ZNF772: variants seen among roughly 807,000 people sequenced by gnomAD.
ZNF772 encodes zinc finger protein 772.
ZNF772 carries 8 observed loss-of-function variants against 11.0 expected under a neutral mutation model. The ratio of observed to expected loss-of-function variants is 0.73; its 90% CI spans 0.43 to 1.31. ZNF772 has a LOEUF of 1.31. Ranked by LOEUF, ZNF772 falls within the 50% of genes most tolerant of loss-of-function variation. ZNF772 has a pLI of 0.01. For synonymous variants in ZNF772, 155 were observed against 180.4 expected (o/e 0.86, Z 1.13); for missense variants, 496 against 552.3 (o/e 0.90, Z 1.02).
At position 57,475,490 on chromosome 19, in the gene ZNF772, AG is replaced by A; in HGVS notation, c.199+169del. On this transcript the variant is annotated intron_variant, in intron 3 of 3. Coordinates refer to ENST00000356584, the MANE Select transcript of ZNF772 (RefSeq NM_001144068.2). The surrounding 1 kb of genome is among the most constrained non-coding windows in gnomAD (Gnocchi z 4.2). ...GCAAGCGCTGGGAATGCTCAAAAGG[AG>A]AAAGTAGGAGTGCAAACAGCCCAAG... The A allele has an allele frequency of 9.3e-7, 1 of 1,070,092 alleles. No individual in the cohort carries two copies. The highest frequency in any genetic ancestry group is 1.6e-5 in the African/African-American group (1 of 64,186). 66.3% of individuals were successfully genotyped at this position (1,070,092 alleles called of 1,614,324 possible). A position where few individuals can be genotyped will look rare whatever the true frequency, so the allele number is the denominator to read the frequency against.
chr19:57,474,339 C>T lies in ZNF772; in HGVS notation c.282G>A (p.Lys94=). The change falls in exon 4 of 4, where the codon AAG becomes AAA. Residue 94 remains lysine, a synonymous_variant. Transcript: ENST00000356584. ...SIGMSQIRIP[K]GGPSTQKAYP... ...AAGCCTTCTGAGTAGAAGGACCTCC[C>T]TTGGGAATCCTGATCTGTGACATTC... 6.2e-7 allele frequency: 1 copy of T among 1,613,786 alleles called. No homozygotes were observed. The highest frequency in any genetic ancestry group is 8.5e-7 in the Non-Finnish European group (1 of 1,180,030).
Position 57,475,806 on chromosome 19 carries a change from CAA to C in ZNF772, c.73-22_73-21del. The C allele has an allele frequency of 6.3e-7, 1 of 1,583,864 alleles. No homozygotes were observed. Among genetic ancestry groups the C allele is most frequent in the East Asian group, 2.2e-5 (1 of 44,688 alleles). ...CTGCCCCTGCCACAATCAGGAGAGCCAAGTCCATGAGCAGCATCTCTCCCAAG... is the reference window on the plus strand; with the variant it reads ...CTGCCCCTGCCACAATCAGGAGAGCCGTCCATGAGCAGCATCTCTCCCAAG... On this transcript the variant is annotated intron_variant, in intron 2 of 3. Coordinates refer to ENST00000356584, the MANE Select transcript of ZNF772 (RefSeq NM_001144068.2). The surrounding 1 kb of genome is among the most constrained non-coding windows in gnomAD (Gnocchi z 4.2).
chr19:57,477,351 C>A lies in ZNF772; in HGVS notation c.-42G>T. ...GGAAGGGTGGCGACAAGTGCAGGAA[C>A]CTGGGATCAGCTGTCCAGGGCCCAG... On this transcript the variant is annotated 5_prime_UTR_variant, in exon 1 of 4. Coordinates refer to ENST00000356584, the MANE Select transcript of ZNF772 (RefSeq NM_001144068.2). 6.2e-7 allele frequency: 1 copy of A among 1,611,950 alleles called. No homozygotes were observed. The highest frequency in any genetic ancestry group is 8.5e-7 in the Non-Finnish European group (1 of 1,179,140).
rs1297389253 is a variant in ZNF772 at position 57,474,057 on chromosome 19, C to G, written c.564G>C (p.Lys188Asn). The G allele has an allele frequency of 2.5e-6, 4 of 1,614,122 alleles. No individual in the cohort carries two copies. Among genetic ancestry groups the G allele is most frequent in the South Asian group, 1.1e-5 (1 of 91,086 alleles). Residue 188 changes from lysine (K) to asparagine (N), a missense_variant, in exon 4 of 4, where the codon AAG becomes AAC. Physicochemically the swap from Lys to Asn is moderately conservative, Grantham distance 94. Transcript: ENST00000356584. ...EMSFVTGEAC[K>N]DFLASSSIFE... ...AAATGCTTGAGCTGGCTAGGAAGTC[C>G]TTACAAGCCTCCCCTGTCACAAAAG...
chr19:57,477,145 G>T, intron 1 of ZNF772, 132 bp downstream of exon 1: 1 of 1,233,284 alleles, frequency 8.1e-7, no homozygotes, highest in Non-Finnish European at 1.1e-6. Context: ...GTCAAAATGG[G>T]TCCCAAACAC....
Position 57,475,081 on chromosome 19 carries a change from C to A in ZNF772, c.199+579G>T. ...ACAGCTAGGGTCATGTCCACCCAGT[C>A]AGGTACCCAGGGCTCACTACCCATC... On this transcript the variant is annotated intron_variant, in intron 3 of 3. Transcript: ENST00000356584. This position sits in a 1 kb window ranked among gnomAD's most constrained non-coding sequence, Gnocchi z 4.2. 2 of 1,614,236 alleles carry A rather than the reference C, an allele frequency of 1.2e-6. No homozygotes were observed. The highest frequency in any genetic ancestry group is 1.7e-6 in the Non-Finnish European group (2 of 1,180,044).
chr19:57,475,544 C>A lies in ZNF772; in HGVS notation c.199+116G>T, dbSNP rs553161369. On this transcript the variant is annotated intron_variant, in intron 3 of 3. Transcript: ENST00000356584. The surrounding 1 kb of genome is among the most constrained non-coding windows in gnomAD (Gnocchi z 4.2). ...CAGCACTCACAGAACCTACTCCAGG[C>A]ACTAAGAAATGAGACAGTGTCCACG... is the stretch of plus-strand genomic sequence containing the variant. 2.0e-6 allele frequency: 3 copies of A among 1,515,868 alleles called. No individual in the cohort carries two copies. Among genetic ancestry groups the A allele is most frequent in the Admixed American group, 3.4e-5 (2 of 59,562 alleles). 93.9% of individuals were successfully genotyped at this position (1,515,868 alleles called of 1,614,324 possible).
At position 57,475,813 on chromosome 19, in the gene ZNF772, A is replaced by AT. The variant is rs1481294641; in HGVS notation, c.73-28dup. The AT allele has an allele frequency of 6.3e-7, 1 of 1,575,392 alleles. No individual in the cohort carries two copies. Among genetic ancestry groups the AT allele is most frequent in the Non-Finnish European group, 8.6e-7 (1 of 1,160,850 alleles). On this transcript the variant is annotated intron_variant, in intron 2 of 3. Transcript: ENST00000356584. This position sits in a 1 kb window ranked among gnomAD's most constrained non-coding sequence, Gnocchi z 4.2. ...TGCCACAATCAGGAGAGCCAAGTCC[A>AT]TGAGCAGCATCTCTCCCAAGAACCC...
rs2089278104 is a variant in ZNF772, at chr19:57,475,856, C to T, written c.73-70G>A. On this transcript the variant is annotated intron_variant, in intron 2 of 3. Transcript: ENST00000356584. This position sits in a 1 kb window ranked among gnomAD's most constrained non-coding sequence, Gnocchi z 4.2. ...AAGAACCCCCATCCGTGCCCCCACA[C>T]ATCTCCCTCCTGTACACCCTCCTAC... The T allele has an allele frequency of 6.5e-7, 1 of 1,538,156 alleles. No homozygotes were observed.
intron 1 of ZNF772, among the ~76,000 whole-genome samples, chr19:57,477,013 T>C (rs895885175): frequency 2.0e-5 from 3 of 152,200 alleles, no homozygotes; most frequent in African/African-American, 7.2e-5. Flanking sequence ...CAATCACTTA[T>C]AAAGCGCTCT....
At position 57,475,301 on chromosome 19, in the gene ZNF772, C is replaced by T. The variant is rs528807600; in HGVS notation, c.199+359G>A. 1.2e-4 allele frequency among the ~76,000 whole-genome samples: 18 copies of T among 152,310 alleles called. No individual in the cohort carries two copies. The highest frequency in any genetic ancestry group is 3.9e-4 in the African/African-American group (16 of 41,550). On this transcript the variant is annotated intron_variant, in intron 3 of 3. Coordinates refer to ENST00000356584, the MANE Select transcript of ZNF772 (RefSeq NM_001144068.2). This position sits in a 1 kb window ranked among gnomAD's most constrained non-coding sequence, Gnocchi z 4.2. ...CCTACAATTCCTGACATAGGCAGGC[C>T]ACAGGAAATGTCAGCTAAAGGAAGA... is the stretch of plus-strand genomic sequence containing the variant.
At position 57,472,520 on chromosome 19, in the gene ZNF772, CAAGT is replaced by C. The variant is rs1405146043; in HGVS notation, c.*750_*753del. The C allele has an allele frequency of 2.0e-5, 4 of 201,758 alleles. No individual in the cohort carries two copies. Among genetic ancestry groups the C allele is most frequent in the Admixed American group, 1.7e-4 (3 of 17,858 alleles). The allele number at this position is 201,758 out of a possible 1,614,324, so 12.5% of individuals were successfully genotyped here. ...TCTTTCCTAGGAGAGCTGAAGCAGTCAAGTAAGTTAGCTTGACACTAGCATAAGA... is the reference window on the plus strand; with the variant it reads ...TCTTTCCTAGGAGAGCTGAAGCAGTCAAGTTAGCTTGACACTAGCATAAGA... On this transcript the variant is annotated 3_prime_UTR_variant, in exon 4 of 4. Transcript: ENST00000356584.
rs757776234 is a variant in ZNF772, at chr19:57,474,141, T to G, written c.480A>C (p.Arg160Ser). Residue 160 changes from arginine (R) to serine (S), a missense_variant, in exon 4 of 4, where the codon AGA (arginine) becomes AGC (serine). By Grantham distance (110) the Arg-to-Ser change is moderately radical. Coordinates refer to ENST00000356584, the MANE Select transcript of ZNF772 (RefSeq NM_001144068.2). ...QKQHSGEKPFRSDKSRPFLLN... is the reference protein window; with the variant it reads ...QKQHSGEKPFSSDKSRPFLLN... Reference sequence around the variant, plus strand: ...GAAGAAAGGGCCTGCTCTTATCACTTCTAAAGGGTTTCTCTCCACTGTGCT... The same window carrying G: ...GAAGAAAGGGCCTGCTCTTATCACTGCTAAAGGGTTTCTCTCCACTGTGCT... 1.2e-6 allele frequency: 2 copies of G among 1,614,236 alleles called. No homozygotes were observed. Among genetic ancestry groups the G allele is most frequent in the South Asian group, 2.2e-5 (2 of 91,088 alleles).
rs2089194099 is a variant in ZNF772, at chr19:57,469,814, C to G, written c.*3460G>C. 1 of 152,206 alleles carries G rather than the reference C, an allele frequency of 6.6e-6. No individual in the cohort carries two copies. Among genetic ancestry groups the G allele is most frequent in the South Asian group, 2.1e-4 (1 of 4,830 alleles). 9.4% of individuals were successfully genotyped at this position (152,206 alleles called of 1,614,324 possible). The stretch of plus-strand genomic sequence containing the variant: ...CTAATCAACACTTGTAGAACCCCTT[C>G]ATCAAACGAGAGTACAGTATACATT... On this transcript the variant is annotated 3_prime_UTR_variant, in exon 4 of 4. Coordinates refer to ENST00000356584, the MANE Select transcript of ZNF772 (RefSeq NM_001144068.2).
chr19:57,474,919 T>G, intron 3 of ZNF772: 1 of 1,516,178 alleles, frequency 6.6e-7, no homozygotes, highest in Non-Finnish European at 9.0e-7. Context: ...GGCCAGAGTA[T>G]GAAAGGCCAG....
rs942334269 is a variant in ZNF772, at chr19:57,473,171, A to G, written c.*103T>C. 4 of 1,184,760 alleles carry G rather than the reference A, an allele frequency of 3.4e-6. No homozygotes were observed. The highest frequency in any genetic ancestry group is 3.0e-4 in the Middle Eastern group (1 of 3,352). The allele number at this position is 1,184,760 out of a possible 1,614,324, so 73.4% of individuals were successfully genotyped here. On this transcript the variant is annotated 3_prime_UTR_variant, in exon 4 of 4. Transcript: ENST00000356584. Reference sequence around the variant, plus strand: ...CCCCAGGGTGAGTGTTTGAGTGTATAAAGTTCTACTTCTGGCTGTCGGCTA... The same window carrying G: ...CCCCAGGGTGAGTGTTTGAGTGTATGAAGTTCTACTTCTGGCTGTCGGCTA...
rs1017398703 is a variant in ZNF772, at chr19:57,472,017, G to A, written c.*1257C>T. 7.1e-6 allele frequency: 3 copies of A among 423,038 alleles called. No homozygotes were observed. The highest frequency in any genetic ancestry group is 6.2e-5 in the African/African-American group (3 of 48,456). 26.2% of individuals were successfully genotyped at this position (423,038 alleles called of 1,614,324 possible). ...TTATCAAATGGTACACTATAAATAT[G>A]TGCAGTTTATTGCAAAAATGTTTAG... On this transcript the variant is annotated 3_prime_UTR_variant, in exon 4 of 4. Coordinates refer to ENST00000356584, the MANE Select transcript of ZNF772 (RefSeq NM_001144068.2).
chr19:57,472,268 C>A lies in ZNF772; in HGVS notation c.*1006G>T. The A allele has an allele frequency of 2.3e-6, 1 of 432,114 alleles. No homozygotes were observed. The highest frequency in any genetic ancestry group is 1.7e-5 in the South Asian group (1 of 60,494). The allele number at this position is 432,114 out of a possible 1,614,324, so 26.8% of individuals were successfully genotyped here. A position where few individuals can be genotyped will look rare whatever the true frequency, so the allele number is the denominator to read the frequency against. ...TCTGGAGGACAGCCAATATCAACTG[C>A]CTACTGAAAAATAGACTTCAGAGAT... On this transcript the variant is annotated 3_prime_UTR_variant, in exon 4 of 4. Coordinates refer to ENST00000356584, the MANE Select transcript of ZNF772 (RefSeq NM_001144068.2).
In ZNF772 at chr19:57,472,303, T is replaced by A. The variant is rs1192290573; in HGVS notation, c.*971A>T. The A allele has an allele frequency of 2.6e-6, 1 of 383,150 alleles. No individual in the cohort carries two copies. Among genetic ancestry groups the A allele is most frequent in the African/African-American group, 2.1e-5 (1 of 47,138 alleles). The allele number at this position is 383,150 out of a possible 1,614,324, so 23.7% of individuals were successfully genotyped here. On this transcript the variant is annotated 3_prime_UTR_variant, in exon 4 of 4. Transcript: ENST00000356584. ...AATAGACTTCAGAGATCTTGACATGTCCACTGAGTTCAAATTCTCCTCAAG... is the reference window on the plus strand; with the variant it reads ...AATAGACTTCAGAGATCTTGACATGACCACTGAGTTCAAATTCTCCTCAAG...
Sources: gnomAD v4.1 joint callset for allele counts (sites outside exome capture counted in the v4.1 genomes callset) on GRCh38, gnomAD v4.1.1 for gene constraint, Gnocchi (gnomAD v3.1) non-coding constraint, MANE v1.5 for transcripts, NCBI Gene and HGNC (gene_info 2026-07-23, HGNC 2026-07-21) for gene names.